The following FOXO3B variants were observed in gnomAD, a reference collection of about 807,000 sequenced individuals.
The protein encoded by FOXO3B is forkhead box O3B.
A neutral mutation model predicts 21.9 loss-of-function variants in FOXO3B; 15 were observed. That is an observed-to-expected ratio of 0.68 (90% CI 0.46 to 1.05). The LOEUF (loss-of-function observed/expected upper bound fraction) is 1.05, where lower values mean the gene tolerates loss of function less well. FOXO3B is among the 50% of genes least tolerant of loss of function. FOXO3B has a pLI of 0.00. For missense variants in FOXO3B, 293 were observed against 435.5 expected (o/e 0.67, Z 2.91); for synonymous variants, 135 against 213.6 (o/e 0.63, Z 3.21).
Position 18,668,182 on chromosome 17 carries a change from C to T in FOXO3B, c.*4127G>A, listed in dbSNP as rs1483294741. ...TTCACTACCAGATTCTCAGCTGACC[C>T]TCTCCAGGGGCTGGTGGGTCTCGCA... is the stretch of plus-strand genomic sequence containing the variant. On this transcript the variant is annotated 3_prime_UTR_variant, in exon 4 of 4. Transcript: ENST00000395675. 2.6e-5 allele frequency: 4 copies of T among 152,342 alleles called. No individual in the cohort carries two copies. Among genetic ancestry groups the T allele is most frequent in the African/African-American group, 9.7e-5 (4 of 41,440 alleles). The allele number at this position is 152,342 out of a possible 1,614,324, so 9.4% of individuals were successfully genotyped here. A position where few individuals can be genotyped will look rare whatever the true frequency, so the allele number is the denominator to read the frequency against.
chr17:18,673,465 T>C (rs966681455), intron 3 of FOXO3B, among the ~76,000 whole-genome samples: 9 of 152,310 alleles, frequency 5.9e-5, no homozygotes, highest in Middle Eastern at 3.4e-3. Context: ...TTTTAACTTG[T>C]AGTATAGTAA....
At chr17:18,674,416 G>C (rs1188179870) in intron 3 of FOXO3B, among the ~76,000 whole-genome samples, 2 of 148,294 alleles carry the variant, frequency 1.3e-5, no homozygotes, top group South Asian at 2.1e-4. Context: ...ACGAGGTCAG[G>C]AGATCGAGAT....
In FOXO3B at chr17:18,672,318, A is replaced by G; in HGVS notation, c.864T>C (p.Ser288=). 2 of 1,612,902 alleles carry G rather than the reference A, an allele frequency of 1.2e-6. No homozygotes were observed. Among genetic ancestry groups the G allele is most frequent in the East Asian group, 2.2e-5 (1 of 44,850 alleles). The change falls in exon 4 of 4, where the codon TCT becomes TCC. Residue 288 remains serine, a synonymous_variant. Transcript: ENST00000395675. This position sits in a 1 kb window ranked among gnomAD's most constrained non-coding sequence, Gnocchi z 4.2. ...GCCGGATGGAGTTCTTCTAGCCGGC[A>G]GAGCTGTTGCTGTTGCCCTTATCCT... ...YFKDKGNSNS[S]AG
chr17:18,671,190 G>A lies in FOXO3B; in HGVS notation c.*1119C>T. 1 of 944,852 alleles carries A rather than the reference G, an allele frequency of 1.1e-6. No individual in the cohort carries two copies. Among genetic ancestry groups the A allele is most frequent in the South Asian group, 1.3e-5 (1 of 76,614 alleles). 58.5% of individuals were successfully genotyped at this position (944,852 alleles called of 1,614,324 possible). On this transcript the variant is annotated 3_prime_UTR_variant, in exon 4 of 4. Transcript: ENST00000395675. ...GAGAGAGTCCGAGAGGGTTTGCATA[G>A]ACTGGCTGACAGGAGACTGCTGCTG...
intron 3 of FOXO3B, among the ~76,000 whole-genome samples, chr17:18,675,299 A>G (rs2032463631): frequency 1.3e-5 from 2 of 152,162 alleles, no homozygotes; most frequent in Non-Finnish European, 2.9e-5. Context: ...AAACTTGTAC[A>G]TCAAAATGCA....
Position 18,667,896 on chromosome 17 carries a change from A to G in FOXO3B, c.*4413T>C, listed in dbSNP as rs1181700114. On this transcript the variant is annotated 3_prime_UTR_variant, in exon 4 of 4. Coordinates refer to ENST00000395675, the MANE Select transcript of FOXO3B (RefSeq NM_001368135.1). ...CTCGGATAGTTCTCATCATAAATCAAACATTACAGCTGCCAGGCCCCTTGA... is the reference window on the plus strand; with the variant it reads ...CTCGGATAGTTCTCATCATAAATCAGACATTACAGCTGCCAGGCCCCTTGA... The G allele has an allele frequency of 6.6e-6, 1 of 152,156 alleles. No individual in the cohort carries two copies. Among genetic ancestry groups the G allele is most frequent in the African/African-American group, 2.4e-5 (1 of 41,392 alleles). The allele number at this position is 152,156 out of a possible 1,614,324, so 9.4% of individuals were successfully genotyped here. A position where few individuals can be genotyped will look rare whatever the true frequency, so the allele number is the denominator to read the frequency against.
At chr17:18,677,912 A>G (rs1179938633) in intron 3 of FOXO3B, among the ~76,000 whole-genome samples, 2 of 25,002 alleles carry the variant, frequency 8.0e-5, no homozygotes, top group Non-Finnish European at 1.9e-4. Context: ...TTGGAAAAGC[A>G]AAAAAAAAAA....
intron 3 of FOXO3B, 96 bp from the exon 4 acceptor site, chr17:18,673,151 T>C: frequency 7.4e-7 from 1 of 1,344,092 alleles, no homozygotes. Flanking sequence ...CACCTCCCAG[T>C]CTTGCCGCGC....
rs2032515219 is a variant in FOXO3B, at chr17:18,677,597, G to T, written c.126+3144C>A. The stretch of plus-strand genomic sequence containing the variant: ...CCAGCGGCAGGGCCAAAGCCGGGCG[G>T]GCCCTGGCCAGTGGCACTGCAGCTT... On this transcript the variant is annotated intron_variant, in intron 3 of 3. Coordinates refer to ENST00000395675, the MANE Select transcript of FOXO3B (RefSeq NM_001368135.1). 30 of 1,604,596 alleles carry T rather than the reference G, an allele frequency of 1.9e-5. No homozygotes were observed. The South Asian group carries it at 3.3e-4, about 18-fold the overall frequency.
In FOXO3B at chr17:18,672,944, C is replaced by G. The variant is rs2070702375; in HGVS notation, c.238G>C (p.Ala80Pro). 1 of 1,526,708 alleles carries G rather than the reference C, an allele frequency of 6.6e-7. No homozygotes were observed. The highest frequency in any genetic ancestry group is 8.8e-7 in the Non-Finnish European group (1 of 1,139,346). The allele number at this position is 1,526,708 out of a possible 1,614,324, so 94.6% of individuals were successfully genotyped here. ...TCTGCCATCTTCGCCGCCCGCCCGG[C>G]CGCGGCTGGGGTTCTCGCGCTCTCC... ...REESARTPAA[A>P]GRAAKMAEAP... is the part of the protein sequence containing the mutation. Residue 80 changes from alanine (A) to proline (P), a missense_variant, in exon 4 of 4, where the codon GCC becomes CCC. By Grantham distance (27) the Ala-to-Pro change is conservative (BLOSUM62 -1). Around this residue, in one of 2 missense-constraint regions of FOXO3B, gnomAD observed 251 missense variants for 404.0 expected, o/e 0.62. Coordinates refer to ENST00000395675, the MANE Select transcript of FOXO3B (RefSeq NM_001368135.1). This position sits in a 1 kb window ranked among gnomAD's most constrained non-coding sequence, Gnocchi z 4.2.
At chr17:18,676,397 G>A (rs550406213) in intron 3 of FOXO3B, among the ~76,000 whole-genome samples, 4 of 152,040 alleles carry the variant, frequency 2.6e-5, no homozygotes, top group African/African-American at 9.6e-5. Flanking sequence ...TGCTACTAAT[G>A]GCAAAAAAAT....
At chr17:18,676,826 A>G (rs1470120753) in intron 3 of FOXO3B, among the ~76,000 whole-genome samples, 2 of 151,678 alleles carry the variant, frequency 1.3e-5, no homozygotes, top group East Asian at 3.9e-4. Context: ...TCAGCCTCCC[A>G]AGTAGCTAGG....
In FOXO3B at chr17:18,672,443, A is replaced by C. The variant is rs919162990; in HGVS notation, c.739T>G (p.Tyr247Asp). Residue 247 changes from tyrosine to aspartate, a missense_variant, in exon 4 of 4, where the codon TAC (tyrosine) becomes GAC (aspartate). This residue lies in a region of FOXO3B where 251 missense variants were observed against 404.0 expected (regional missense o/e 0.62). Coordinates refer to ENST00000395675, the MANE Select transcript of FOXO3B (RefSeq NM_001368135.1). The surrounding 1 kb of genome is among the most constrained non-coding windows in gnomAD (Gnocchi z 4.2). ...ATGGCGCGGGTGATCAGGTCCGCGT[A>C]GGACAGGTTTCCCCAGGCGTTCCGC... ...SRRNAWGNLS[Y>D]ADLITRAIES... 7.3e-5 allele frequency: 118 copies of C among 1,607,786 alleles called. No individual in the cohort carries two copies. The highest frequency in any genetic ancestry group is 9.7e-5 in the Non-Finnish European group (114 of 1,177,032).
intron 3 of FOXO3B, among the ~76,000 whole-genome samples, chr17:18,678,377 A>T (rs1398568973): frequency 6.6e-6 from 1 of 152,188 alleles, no homozygotes; most frequent in African/African-American, 2.4e-5. Context: ...GTCTGAATAC[A>T]GTAGTGCAAG....
rs878868302 is a variant in FOXO3B at position 18,673,068 on chromosome 17, G to A, written c.127-13C>T. On this transcript the variant is annotated splice_polypyrimidine_tract_variant and intron_variant, in intron 3 of 3. Coordinates refer to ENST00000395675, the MANE Select transcript of FOXO3B (RefSeq NM_001368135.1). ...CCGCCGCCGCCGCCTGGGGAAGCACGAGAGAAGAGAGAAGGAGAGTTGGTT... is the reference window on the plus strand; with the variant it reads ...CCGCCGCCGCCGCCTGGGGAAGCACAAGAGAAGAGAGAAGGAGAGTTGGTT... 1.4e-6 allele frequency: 2 copies of A among 1,461,988 alleles called. No homozygotes were observed. The highest frequency in any genetic ancestry group is 3.0e-5 in the African/African-American group (2 of 66,518). The allele number at this position is 1,461,988 out of a possible 1,614,324, so 90.6% of individuals were successfully genotyped here.
chr17:18,675,766 C>A (rs996897908), intron 3 of FOXO3B, among the ~76,000 whole-genome samples: 1 of 152,036 alleles, frequency 6.6e-6, no homozygotes, highest in African/African-American at 2.4e-5. Flanking sequence ...TGGCTTTCAG[C>A]ACGGAAAAAG....
In FOXO3B at chr17:18,671,839, G is replaced by T; in HGVS notation, c.*470C>A. 1.9e-6 allele frequency: 3 copies of T among 1,608,876 alleles called. No homozygotes were observed. Among genetic ancestry groups the T allele is most frequent in the Non-Finnish European group, 2.6e-6 (3 of 1,176,132 alleles). On this transcript the variant is annotated 3_prime_UTR_variant, in exon 4 of 4. Transcript: ENST00000395675. ...GTCAGTCAGCCGTAGCAGTTCCACC[G>T]TGCACGGCTTGCTTACTGAAGGTGA...
At position 18,669,928 on chromosome 17, in the gene FOXO3B, CTT is replaced by C. The variant is rs573457760; in HGVS notation, c.*2379_*2380del. On this transcript the variant is annotated 3_prime_UTR_variant, in exon 4 of 4. Transcript: ENST00000395675. ...ATTTGTTCTGCAAAGCAAAACAGGA[CTT>C]TTTTTTTTTTTCCTTTTCTTTCTCC... is the stretch of plus-strand genomic sequence containing the variant. 6.9e-6 allele frequency among the ~76,000 whole-genome samples: 1 copy of C among 145,494 alleles called. No individual in the cohort carries two copies. Among genetic ancestry groups the C allele is most frequent in the Non-Finnish European group, 1.5e-5 (1 of 66,248 alleles).
intron 3 of FOXO3B, among the ~76,000 whole-genome samples, chr17:18,679,128 T>G (rs1449368423): frequency 1.3e-5 from 2 of 152,088 alleles, no homozygotes; most frequent in Non-Finnish European, 2.9e-5. Flanking sequence ...CATTCTTGTT[T>G]GAGCCCTATA....
Sources: gnomAD v4.1 joint callset for allele counts (sites outside exome capture counted in the v4.1 genomes callset) on GRCh38, gnomAD v4.1.1 for gene constraint, gnomAD v4.1.1 regional missense constraint, Gnocchi (gnomAD v3.1) non-coding constraint, MANE v1.5 for transcripts, NCBI Gene and HGNC (gene_info 2026-07-23, HGNC 2026-07-21) for gene names.